SNTG1: variants seen among roughly 807,000 people sequenced by gnomAD.
The protein encoded by SNTG1 is syntrophin gamma 1.
In SNTG1, 39 loss-of-function variants were observed where a neutral mutation model predicts 74.7. That is an observed-to-expected ratio of 0.52 (90% CI 0.40 to 0.68). The LOEUF (loss-of-function observed/expected upper bound fraction) is 0.68, where lower values mean the gene tolerates loss of function less well. Ranked by LOEUF, SNTG1 falls within the 30% of genes least tolerant of loss-of-function variation. The pLI is 0.00. For missense variants in SNTG1, 685 were observed against 609.5 expected, an observed-to-expected ratio of 1.12 and a Z score of -1.30; for synonymous variants, 254 against 217.1, an observed-to-expected ratio of 1.17 and a Z score of -1.49.
intron 2 of SNTG1, among the ~76,000 whole-genome samples, chr8:50,244,691 C>A (rs1483586231): frequency 2.0e-5 from 3 of 152,144 alleles, no homozygotes; most frequent in Admixed American, 2.0e-4. Flanking sequence ...GGGCTCCAAC[C>A]TGAATATCTA....
At chr8:50,565,488 T>C (rs1405279063) in intron 12 of SNTG1, among the ~76,000 whole-genome samples, 1 of 152,070 alleles carries the variant, frequency 6.6e-6, no homozygotes, top group East Asian at 1.9e-4. Flanking sequence ...TGTCCTAATA[T>C]TAAAAAGTTT....
rs556874720 is a variant in SNTG1 at position 50,207,897 on chromosome 8, G to T, written c.-28+35262G>T. Among the ~76,000 whole-genome samples the T allele has an allele frequency of 1.1e-3, 171 of 152,272 alleles. 1 individual carries two copies. Among genetic ancestry groups the T allele is most frequent in the African/African-American group, 3.8e-3 (159 of 41,544 alleles). On this transcript the variant is annotated intron_variant, in intron 2 of 18. Coordinates refer to ENST00000642720, the MANE Select transcript of SNTG1 (RefSeq NM_018967.5). ...AATTTTGAGTGAGTTTCTTAATCCT[G>T]AGTTCTAGTTTGATTGCACTGTGAT...
chr8:50,601,943 A>T (rs968911637), intron 13 of SNTG1, among the ~76,000 whole-genome samples: 3 of 151,834 alleles, frequency 2.0e-5, no homozygotes, highest in South Asian at 4.1e-4. Flanking sequence ...TACTTCTGCT[A>T]TTTTTTGTTT....
intron 2 of SNTG1, among the ~76,000 whole-genome samples, chr8:50,189,516 G>A (rs2083492500): frequency 6.6e-6 from 1 of 152,114 alleles, no homozygotes; most frequent in Admixed American, 6.6e-5. Flanking sequence ...ATGATTTATG[G>A]TAGAAAGCAA....
chr8:50,562,284 A>T lies in SNTG1; in HGVS notation c.810+9105A>T, dbSNP rs147736850. On this transcript the variant is annotated intron_variant, in intron 12 of 18. Coordinates refer to ENST00000642720, the MANE Select transcript of SNTG1 (RefSeq NM_018967.5). ...AATTAAGGTTACAGATACCATTAAC[A>T]TTGCTAATCAGCTGGCCTTAAAATG... Among the ~76,000 whole-genome samples, 235 of 152,350 alleles carry T rather than the reference A, an allele frequency of 1.5e-3. 1 individual carries two copies. Among genetic ancestry groups the T allele is most frequent in the African/African-American group, 5.4e-3 (225 of 41,586 alleles).
intron 2 of SNTG1, among the ~76,000 whole-genome samples, chr8:50,322,416 A>G (rs2090567638): frequency 6.6e-6 from 1 of 151,946 alleles, no homozygotes; most frequent in Admixed American, 6.6e-5. Flanking sequence ...TTGGAGCTCC[A>G]TTGTATGCTA....
intron 13 of SNTG1, among the ~76,000 whole-genome samples, chr8:50,610,023 C>T (rs537951099): frequency 1.3e-5 from 2 of 151,998 alleles, no homozygotes; most frequent in South Asian, 4.1e-4. Flanking sequence ...TCACTTTCTT[C>T]TTCGTTTTCT....
chr8:50,783,496 C>G (rs550741474), intron 18 of SNTG1, among the ~76,000 whole-genome samples: 1 of 152,174 alleles, frequency 6.6e-6, no homozygotes, highest in Non-Finnish European at 1.5e-5. Flanking sequence ...TGGGACCCTC[C>G]GAGCCATGTG....
chr8:49,971,982 C>G (rs1249416578), intron 1 of SNTG1, among the ~76,000 whole-genome samples: 1 of 152,180 alleles, frequency 6.6e-6, no homozygotes, highest in African/African-American at 2.4e-5. Context: ...ATCAAGCTAC[C>G]AATGACTTTC....
chr8:50,577,179 A>G (rs2094581537), intron 12 of SNTG1, among the ~76,000 whole-genome samples: 1 of 152,180 alleles, frequency 6.6e-6, no homozygotes, highest in Admixed American at 6.5e-5. Flanking sequence ...TGTGTTTATC[A>G]TAAAAGAGTG....
Position 50,511,062 on chromosome 8 carries a change from A to C in SNTG1, c.466+8182A>C, listed in dbSNP as rs534463718. On this transcript the variant is annotated intron_variant, in intron 9 of 18. Coordinates refer to ENST00000642720, the MANE Select transcript of SNTG1 (RefSeq NM_018967.5). ...TCTCTTGTGGGCATTTAGTGCTATA[A>C]ATTTCCCTCTACACACAGCTTTGAA... Among the ~76,000 whole-genome samples the C allele has an allele frequency of 2.0e-3, 312 of 152,278 alleles. 2 individuals carry two copies. Among genetic ancestry groups the C allele is most frequent in the African/African-American group, 7.0e-3 (291 of 41,550 alleles).
At chr8:50,320,237 G>T (rs184552489) in intron 2 of SNTG1, among the ~76,000 whole-genome samples, 1 of 152,064 alleles carries the variant, frequency 6.6e-6, no homozygotes, top group Non-Finnish European at 1.5e-5. Flanking sequence ...TTTCAATCAC[G>T]ATAGGTTGTA....
chr8:50,419,689 A>T (rs1371109229), intron 4 of SNTG1, among the ~76,000 whole-genome samples: 1 of 152,182 alleles, frequency 6.6e-6, no homozygotes, highest in Non-Finnish European at 1.5e-5. Flanking sequence ...TCTCACCTTG[A>T]ATGAGAAGCA....
intron 9 of SNTG1, among the ~76,000 whole-genome samples, chr8:50,510,052 T>C (rs1297095692): frequency 1.3e-5 from 2 of 152,222 alleles, no homozygotes; most frequent in Non-Finnish European, 2.9e-5. Context: ...GCTGTGGGTT[T>C]GTCATAGATA....
chr8:50,200,777 G>C (rs1175407495), intron 2 of SNTG1, among the ~76,000 whole-genome samples: 1 of 152,090 alleles, frequency 6.6e-6, no homozygotes, highest in Non-Finnish European at 1.5e-5. Context: ...AATGATCCAT[G>C]CAATATTTAT....
chr8:50,387,980 G>C (rs1277605559), intron 2 of SNTG1, among the ~76,000 whole-genome samples: 5 of 152,042 alleles, frequency 3.3e-5, no homozygotes, highest in South Asian at 2.1e-4. Context: ...CAATATTCAG[G>C]GTCCTGTTTT....
intron 1 of SNTG1, among the ~76,000 whole-genome samples, chr8:50,143,673 G>C (rs1003112558): frequency 6.6e-6 from 1 of 152,134 alleles, no homozygotes; most frequent in African/African-American, 2.4e-5. Flanking sequence ...AATTTAGAAA[G>C]AACCAATATG....
At chr8:49,975,419 T>G (rs1490210337) in intron 1 of SNTG1, among the ~76,000 whole-genome samples, 1 of 152,180 alleles carries the variant, frequency 6.6e-6, no homozygotes, top group Admixed American at 6.5e-5. Flanking sequence ...GGAAGCTTCC[T>G]AAGGTTCATG....
At chr8:50,133,579 G>A (rs1246207909) in intron 1 of SNTG1, among the ~76,000 whole-genome samples, 1 of 152,106 alleles carries the variant, frequency 6.6e-6, no homozygotes, top group Non-Finnish European at 1.5e-5. Context: ...ACATAGCCAT[G>A]CCCCCTCTGA....
Sources: allele counts gnomAD v4.1 joint callset (sites outside exome capture counted in the v4.1 genomes callset), GRCh38; gene constraint gnomAD v4.1.1; transcripts MANE v1.5; gene names NCBI Gene and HGNC (gene_info 2026-07-23, HGNC 2026-07-21).